The following TENM2 variants were observed in gnomAD, a reference collection of about 807,000 sequenced individuals.
TENM2 encodes the protein teneurin transmembrane protein 2.
A neutral mutation model predicts 245.2 loss-of-function variants in TENM2; 52 were observed. The ratio of observed to expected loss-of-function variants is 0.21; its 90% CI spans 0.17 to 0.27. The LOEUF (loss-of-function observed/expected upper bound fraction) is 0.27, where lower values mean the gene tolerates loss of function less well. TENM2 is among the 10% of genes least tolerant of loss of function. The pLI, the probability that TENM2 is intolerant of heterozygous loss-of-function variation, is 1.00. For synonymous variants in TENM2, 1,363 were observed against 1,438.9 expected (o/e 0.95, Z 1.19); for missense variants, 3,046 against 3,666.8 (o/e 0.83, Z 4.37).
chr5:167,632,112 G>C (rs768964125), intron 2 of TENM2, among the ~76,000 whole-genome samples: 6 of 152,124 alleles, frequency 3.9e-5, no homozygotes, highest in Non-Finnish European at 5.9e-5. Context: ...TCCTGTGGGG[G>C]TTTTAAACAG....
chr5:168,260,542 C>A, intron 28 of TENM2, 129 bp downstream of exon 30: 1 of 1,033,956 alleles, frequency 9.7e-7, no homozygotes. Flanking sequence ...GTGCAGGACA[C>A]ATTGAGACTT....
At chr5:168,209,790 T>C (rs1437201730) in intron 19 of TENM2, among the ~76,000 whole-genome samples, 3 of 152,178 alleles carry the variant, frequency 2.0e-5, no homozygotes, top group Non-Finnish European at 4.4e-5. Flanking sequence ...CCTAACTCTC[T>C]CCTGGGCCTT....
At chr5:167,417,626 G>T (rs1424589105) in intron 2 of TENM2, among the ~76,000 whole-genome samples, 1 of 152,070 alleles carries the variant, frequency 6.6e-6, no homozygotes, top group Non-Finnish European at 1.5e-5. Context: ...ACATTATCTA[G>T]TTTAAGCATC....
At chr5:168,225,486 G>C (rs764693494) in intron 23 of TENM2, among the ~76,000 whole-genome samples, 1 of 152,214 alleles carries the variant, frequency 6.6e-6, no homozygotes, top group Non-Finnish European at 1.5e-5. Flanking sequence ...AGAGGGCCAA[G>C]TGCGTGGCTC....
At chr5:167,864,811 A>C (rs1386720194) in intron 2 of TENM2, among the ~76,000 whole-genome samples, 1 of 152,186 alleles carries the variant, frequency 6.6e-6, no homozygotes, top group African/African-American at 2.4e-5. Flanking sequence ...ATTAAATACA[A>C]TAATATATGT....
chr5:167,995,395 C>T (rs577759199), intron 5 of TENM2, among the ~76,000 whole-genome samples: 1 of 152,236 alleles, frequency 6.6e-6, no homozygotes, highest in Admixed American at 6.5e-5. Context: ...GTTCATAATC[C>T]ATCATTTCCT....
the TENM2 span, among the ~76,000 whole-genome samples, chr5:167,185,671 G>C: frequency 6.6e-6 from 1 of 151,940 alleles, no homozygotes; most frequent in Non-Finnish European, 1.5e-5. Context: ...AATGGTGACA[G>C]GTAGACTAGT....
intron 1 of TENM2, among the ~76,000 whole-genome samples, chr5:167,286,532 G>A (rs1771362925): frequency 6.6e-6 from 1 of 152,152 alleles, no homozygotes; most frequent in Admixed American, 6.5e-5. Context: ...TAATAAAATT[G>A]GGACACCTCT....
intron 5 of TENM2, among the ~76,000 whole-genome samples, chr5:168,026,993 T>A (rs1426047026): frequency 6.6e-6 from 1 of 152,188 alleles, no homozygotes; most frequent in Admixed American, 6.5e-5. Flanking sequence ...TTAGGAGGAA[T>A]GGGACCATGT....
chr5:167,238,031 A>G, the TENM2 span, among the ~76,000 whole-genome samples: 2 of 151,190 alleles, frequency 1.3e-5, no homozygotes, highest in African/African-American at 4.9e-5. Context: ...AAAAAAAAAA[A>G]AAGAAGTGCT....
chr5:167,807,008 T>C (rs1307575512), intron 2 of TENM2, among the ~76,000 whole-genome samples: 1 of 151,596 alleles, frequency 6.6e-6, no homozygotes, highest in Non-Finnish European at 1.5e-5. Flanking sequence ...TGACTACCCT[T>C]GTGGCTGACC....
intron 2 of TENM2, among the ~76,000 whole-genome samples, chr5:167,469,365 C>A (rs1053162676): frequency 6.6e-6 from 1 of 152,112 alleles, no homozygotes; most frequent in South Asian, 2.1e-4. Context: ...TTTTTAATTA[C>A]AGCCTGATTA....
the TENM2 span, among the ~76,000 whole-genome samples, chr5:167,145,473 A>G: frequency 6.6e-6 from 1 of 152,228 alleles, no homozygotes; most frequent in Non-Finnish European, 1.5e-5. Context: ...CGAGAAGTAA[A>G]GGTAGAAGGA....
At chr5:167,520,572 G>C (rs1464620576) in intron 2 of TENM2, among the ~76,000 whole-genome samples, 2 of 152,084 alleles carry the variant, frequency 1.3e-5, no homozygotes, top group East Asian at 3.9e-4. Context: ...GGCTGATTTG[G>C]ATATGGGCAG....
At chr5:167,326,155 A>C (rs1202617803) in intron 1 of TENM2, among the ~76,000 whole-genome samples, 1 of 152,126 alleles carries the variant, frequency 6.6e-6, no homozygotes, top group Non-Finnish European at 1.5e-5. Context: ...TTAGAGAGAA[A>C]GGTCAGTGGG....
intron 2 of TENM2, among the ~76,000 whole-genome samples, chr5:167,755,696 A>G (rs73801383): frequency 1.0e-3 from 157 of 152,274 alleles, no homozygotes; most frequent in African/African-American, 3.6e-3. Flanking sequence ...CATTTTTAAA[A>G]TAGGCAAAAG....
At chr5:167,199,848 T>C in the TENM2 span, among the ~76,000 whole-genome samples, 2 of 152,168 alleles carry the variant, frequency 1.3e-5, no homozygotes, top group Admixed American at 1.3e-4. Flanking sequence ...TGGAACATTT[T>C]GTTGTGTTTT....
At chr5:167,399,868 T>C (rs565223458) in intron 2 of TENM2, among the ~76,000 whole-genome samples, 5 of 151,874 alleles carry the variant, frequency 3.3e-5, no homozygotes, top group Admixed American at 2.0e-4. Context: ...TAGAAGAACA[T>C]TGTTCTTGTA....
At chr5:167,334,125 C>A (rs898596510) in intron 1 of TENM2, among the ~76,000 whole-genome samples, 4 of 151,826 alleles carry the variant, frequency 2.6e-5, no homozygotes, top group African/African-American at 9.7e-5. Context: ...TCCACCATAC[C>A]CTGATAATGC....
Sources: allele counts gnomAD v4.1 joint callset (sites outside exome capture counted in the v4.1 genomes callset), GRCh38; gene constraint gnomAD v4.1.1; transcripts MANE v1.5; gene names NCBI Gene and HGNC (gene_info 2026-07-23, HGNC 2026-07-21).